Variants in EPM2A observed in about 807,000 individuals in gnomAD.
EPM2A encodes EPM2A glucan phosphatase, laforin.
Under a neutral mutation model 26.5 loss-of-function variants are expected in EPM2A, and 21 were observed. The ratio of observed to expected loss-of-function variants is 0.79; its 90% CI spans 0.56 to 1.14. EPM2A has a LOEUF of 1.14. EPM2A is among the 50% of genes most tolerant of loss of function. The pLI is 0.00. For missense variants in EPM2A, 458 were observed against 440.8 expected (o/e 1.04, Z -0.35); for synonymous variants, 217 against 177.6 (o/e 1.22, Z -1.76).
At chr6:145,461,507 AC>A (rs2114717045) in intron 4 of EPM2A, among the ~76,000 whole-genome samples, 1 of 152,314 alleles carries the variant, frequency 6.6e-6, no homozygotes, top group African/African-American at 2.4e-5. Context: ...CTGCATTCAT[AC>A]ATAATATCTC....
intron 1 of EPM2A, among the ~76,000 whole-genome samples, chr6:145,701,753 A>C (rs1781923284): frequency 6.6e-6 from 1 of 152,208 alleles, no homozygotes; most frequent in African/African-American, 2.4e-5. Flanking sequence ...TTGGAGGATA[A>C]ATCATATTTC....
intron 1 of EPM2A, chr6:145,722,834 T>C: frequency 2.3e-6 from 1 of 431,344 alleles, no homozygotes; most frequent in South Asian, 1.7e-5. Context: ...AAGATGGTGT[T>C]AAGAGGCAGG....
chr6:145,543,955 T>C (rs983895104), intron 2 of EPM2A, among the ~76,000 whole-genome samples: 6 of 152,236 alleles, frequency 3.9e-5, no homozygotes, highest in African/African-American at 1.4e-4. Context: ...TACCAACTTC[T>C]GAAGACATTT....
At chr6:145,412,497 G>C (rs750146877) in intron 4 of EPM2A, among the ~76,000 whole-genome samples, 7 of 152,088 alleles carry the variant, frequency 4.6e-5, no homozygotes, top group Non-Finnish European at 8.8e-5. Flanking sequence ...TACATATCTG[G>C]TCATATCAAC....
rs144863060 is a variant in EPM2A at position 145,458,334 on chromosome 6, C to T, written c.555+44188G>A. Among the ~76,000 whole-genome samples, 16 of 152,228 alleles carry T rather than the reference C, an allele frequency of 1.1e-4. No individual in the cohort carries two copies. In the East Asian group the frequency reaches 3.1e-3, roughly 29 times the overall value. ...GAAGGCCGAACGCTATTTTGTCTCT[C>T]AGTATTTCTGTGCTTGAAGAAAAGC... On this transcript the variant is annotated intron_variant, in intron 4 of 4. Transcript: ENST00000638717.
intron 2 of EPM2A, among the ~76,000 whole-genome samples, chr6:145,528,951 C>T (rs1297768056): frequency 6.6e-6 from 1 of 152,008 alleles, no homozygotes; most frequent in Non-Finnish European, 1.5e-5. Context: ...TTAATTCCAA[C>T]CATCATGGAT....
intron 2 of EPM2A, among the ~76,000 whole-genome samples, chr6:145,675,458 G>A (rs1009085810): frequency 6.6e-6 from 1 of 152,094 alleles, no homozygotes; most frequent in Non-Finnish European, 1.5e-5. Context: ...ATGTAAATGG[G>A]CTAAATGCCT....
At chr6:145,404,437 C>T (rs4896801) in intron 4 of EPM2A, among the ~76,000 whole-genome samples, 56,920 of 151,366 alleles carry the variant, frequency 0.38, 10,931 homozygotes, top group South Asian at 0.46. Flanking sequence ...TGTGTATATG[C>T]GTTTGTCTAA....
At chr6:145,419,184 C>CCCG (rs1554235068) in intron 4 of EPM2A, among the ~76,000 whole-genome samples, 1 of 148,292 alleles carries the variant, frequency 6.7e-6, no homozygotes, top group Non-Finnish European at 1.5e-5. Context: ...TAAATGTCCC[C>CCCG]CCCCCCCGCT....
At position 145,409,359 on chromosome 6, in the gene EPM2A, A is replaced by C. The variant is rs1778612995; in HGVS notation, c.556-25262T>G. Among the ~76,000 whole-genome samples the C allele has an allele frequency of 2.6e-5, 4 of 152,284 alleles. 1 individual carries two copies. The South Asian group carries it at 8.3e-4, about 32-fold the overall frequency. On this transcript the variant is annotated intron_variant, in intron 4 of 4. Coordinates refer to the EPM2A transcript ENST00000638717. ...CTTTAGAGACTATCTATTTCTCCAT[A>C]TAGGTAGCCATTTTTATGTATATGA...
At chr6:145,735,746 G>A, upstream of EPM2A, 2 of 640,364 alleles carry the variant, frequency 3.1e-6, no homozygotes, top group Non-Finnish European at 4.0e-6. Flanking sequence ...CCCCGCGGGC[G>A]GTTGATTTCC....
intron 2 of EPM2A, among the ~76,000 whole-genome samples, chr6:145,520,799 T>A (rs978712673): frequency 6.6e-6 from 1 of 152,040 alleles, no homozygotes; most frequent in Non-Finnish European, 1.5e-5. Flanking sequence ...TGGGGAGGAT[T>A]GGGATGGCTA....
chr6:145,569,343 C>T (rs915330841), intron 2 of EPM2A, among the ~76,000 whole-genome samples: 2 of 152,194 alleles, frequency 1.3e-5, no homozygotes, highest in Non-Finnish European at 2.9e-5. Context: ...ACATTCATAA[C>T]AGTACATTCA....
intron 2 of EPM2A, among the ~76,000 whole-genome samples, chr6:145,581,508 A>T (rs1781113011): frequency 6.6e-6 from 1 of 151,968 alleles, no homozygotes; most frequent in South Asian, 2.1e-4. Flanking sequence ...AATTAGGTCT[A>T]ATTTGTCAAT....
intron 4 of EPM2A, chr6:145,490,588 C>G (rs182423314): frequency 1.5e-6 from 1 of 686,676 alleles, no homozygotes; most frequent in African/African-American, 1.8e-5. Flanking sequence ...AAGATGGTAA[C>G]AATTTAGGTG....
intron 4 of EPM2A, among the ~76,000 whole-genome samples, chr6:145,419,907 GAATA>G (rs1291494457): frequency 1.3e-5 from 2 of 151,920 alleles, no homozygotes; most frequent in African/African-American, 2.4e-5. Flanking sequence ...AACAAACATT[GAATA>G]GTTAATATTT....
downstream of EPM2A, among the ~76,000 whole-genome samples, chr6:145,623,816 G>C (rs1439885359): frequency 1.3e-5 from 2 of 152,278 alleles, no homozygotes; most frequent in Non-Finnish European, 2.9e-5. Context: ...GGGTTGTTCA[G>C]TAAAGGAGGA....
intron 1 of EPM2A, among the ~76,000 whole-genome samples, chr6:145,690,477 T>A (rs1216478560): frequency 4.6e-5 from 6 of 130,762 alleles, no homozygotes; most frequent in Non-Finnish European, 7.7e-5. Flanking sequence ...GCCACTGCAG[T>A]CCGCAGTCCG....
intron 4 of EPM2A, among the ~76,000 whole-genome samples, chr6:145,477,502 T>C (rs185022463): frequency 2.0e-5 from 3 of 151,914 alleles, no homozygotes; most frequent in Admixed American, 2.0e-4. Context: ...TACAGGCCAT[T>C]ATCTCTGATA....
Sources: gnomAD v4.1 joint callset for allele counts (sites outside exome capture counted in the v4.1 genomes callset) on GRCh38, gnomAD v4.1.1 for gene constraint, MANE v1.5 for transcripts, NCBI Gene and HGNC (gene_info 2026-07-23, HGNC 2026-07-21) for gene names.